MAN2A1: variants seen among roughly 807,000 people sequenced by gnomAD.
MAN2A1 encodes the protein mannosidase alpha class 2A member 1.
Under a neutral mutation model 142.6 loss-of-function variants are expected in MAN2A1, and 76 were observed. That is an observed-to-expected ratio of 0.53 (90% CI 0.44 to 0.65). The LOEUF (loss-of-function observed/expected upper bound fraction) is 0.65, where lower values mean the gene tolerates loss of function less well. Ranked by LOEUF, MAN2A1 falls within the 30% of genes least tolerant of loss-of-function variation. The pLI, the probability that MAN2A1 is intolerant of heterozygous loss-of-function variation, is 0.00. For synonymous variants in MAN2A1, 559 were observed against 473.2 expected (o/e 1.18, Z -2.35); for missense variants, 1,311 against 1,365.1 (o/e 0.96, Z 0.62).
intron 4 of MAN2A1, among the ~76,000 whole-genome samples, chr5:109,751,606 A>C (rs1418293191): frequency 6.6e-6 from 1 of 151,820 alleles, no homozygotes; most frequent in African/African-American, 2.4e-5. Flanking sequence ...TATTTTAATA[A>C]TGTAAATGTT....
intron 4 of MAN2A1, among the ~76,000 whole-genome samples, chr5:109,745,836 C>G (rs1381407988): frequency 6.6e-6 from 1 of 152,162 alleles, no homozygotes; most frequent in African/African-American, 2.4e-5. Context: ...GGCTGGTCCT[C>G]AAACCCCTGG....
rs1341034786 is a variant in MAN2A1 at position 109,867,713 on chromosome 5, A to G, written c.*715A>G. 1 of 152,618 alleles carries G rather than the reference A, an allele frequency of 6.6e-6. No individual in the cohort carries two copies. Among genetic ancestry groups the G allele is most frequent in the African/African-American group, 2.4e-5 (1 of 41,438 alleles). 9.5% of individuals were successfully genotyped at this position (152,618 alleles called of 1,614,324 possible). ...TTCCATCTTCACTAAAATAGAAGCA[A>G]TTCCATAGGTACCATAAACCTATTT... On this transcript the variant is annotated 3_prime_UTR_variant, in exon 22 of 22. Coordinates refer to ENST00000261483, the MANE Select transcript of MAN2A1 (RefSeq NM_002372.4).
intron 4 of MAN2A1, among the ~76,000 whole-genome samples, chr5:109,748,567 G>A (rs1752466079): frequency 6.6e-6 from 1 of 152,170 alleles, no homozygotes; most frequent in Admixed American, 6.5e-5. Flanking sequence ...ATTAAATTTT[G>A]TTGTAAATGT....
At chr5:109,823,894 C>T in intron 16 of MAN2A1, 57 bp downstream of exon 16, 4 of 795,606 alleles carry the variant, frequency 5.0e-6, no homozygotes, top group South Asian at 2.6e-5. Context: ...TGAATTCTTG[C>T]TTTTCTTATG....
At position 109,845,897 on chromosome 5, in the gene MAN2A1, T is replaced by G; in HGVS notation, c.2733T>G (p.Pro911=). The G allele has an allele frequency of 1.2e-6, 2 of 1,613,604 alleles. No individual in the cohort carries two copies. Among genetic ancestry groups the G allele is most frequent in the Non-Finnish European group, 1.7e-6 (2 of 1,179,708 alleles). The change falls in exon 18 of 22, where the codon CCT becomes CCG. Residue 911 remains proline, a synonymous_variant. Coordinates refer to ENST00000261483, the MANE Select transcript of MAN2A1 (RefSeq NM_002372.4). Reference sequence around the variant, plus strand: ...CTAGAATGACACTGAGCAAATTGCCTCTTCAAGCAAATGTCTATCCCATGA... The same window carrying G: ...CTAGAATGACACTGAGCAAATTGCCGCTTCAAGCAAATGTCTATCCCATGA... ...IQPRMTLSKL[P]LQANVYPMTT... is the part of the protein sequence containing the mutation.
chr5:109,733,729 A>C lies in MAN2A1; in HGVS notation c.707+4216A>C, dbSNP rs539877482. On this transcript the variant is annotated intron_variant, in intron 4 of 21. Transcript: ENST00000261483. ...GATGAAGCCCACTTGATCATGGTGG[A>C]TAAGCTTTTTGATGTGCTGCTTGAT... Among the ~76,000 whole-genome samples the C allele has an allele frequency of 2.4e-3, 371 of 152,242 alleles. 1 individual carries two copies. The highest frequency in any genetic ancestry group is 8.6e-3 in the African/African-American group (356 of 41,490).
chr5:109,716,146 T>C lies in MAN2A1; in HGVS notation c.417T>C (p.Ser139=). ...VQMLDVYSLI[S]FDNPDGGVWK... ...TGTTGGATGTTTACAGTCTAATTTC[T>C]TTTGACAATCCAGATGGTGGAGTTT... Residue 139 remains serine (S), a synonymous_variant, in exon 3 of 22, where the codon TCT becomes TCC. Coordinates refer to ENST00000261483, the MANE Select transcript of MAN2A1 (RefSeq NM_002372.4). The C allele has an allele frequency of 6.2e-7, 1 of 1,610,618 alleles. No individual in the cohort carries two copies. Among genetic ancestry groups the C allele is most frequent in the Non-Finnish European group, 8.5e-7 (1 of 1,177,734 alleles).
intron 18 of MAN2A1, among the ~76,000 whole-genome samples, chr5:109,846,220 G>A (rs1755341450): frequency 6.6e-6 from 1 of 152,176 alleles, no homozygotes; most frequent in Non-Finnish European, 1.5e-5. Flanking sequence ...AAGAACAGGA[G>A]ACCTAAAATT....
At chr5:109,834,125 G>A (rs541908315) in intron 16 of MAN2A1, among the ~76,000 whole-genome samples, 1 of 152,250 alleles carries the variant, frequency 6.6e-6, no homozygotes, top group African/African-American at 2.4e-5. Context: ...GCCTTAGAAA[G>A]GAGCATGTTT....
rs114666908 is a variant in MAN2A1, at chr5:109,755,216, G to A, written c.708-113G>A. On this transcript the variant is annotated intron_variant, in intron 4 of 21. Coordinates refer to ENST00000261483, the MANE Select transcript of MAN2A1 (RefSeq NM_002372.4). ...GTTTAAACACATTTTTTGACAACTA[G>A]TATACATACTGGTTATATTTAAAGG... The A allele has an allele frequency of 3.1e-3, 2,428 of 789,312 alleles. 38 individuals carry two copies. In the African/African-American group the frequency reaches 0.037, roughly 12 times the overall value. 48.9% of individuals were successfully genotyped at this position (789,312 alleles called of 1,614,324 possible). A position where few individuals can be genotyped will look rare whatever the true frequency, so the allele number is the denominator to read the frequency against.
chr5:109,764,894 A>T (rs1225693470), intron 5 of MAN2A1, among the ~76,000 whole-genome samples: 1 of 152,164 alleles, frequency 6.6e-6, no homozygotes, highest in Non-Finnish European at 1.5e-5. Flanking sequence ...GTGGCATCAT[A>T]GTACTTGGGA....
chr5:109,777,505 C>T (rs976390755), intron 8 of MAN2A1, among the ~76,000 whole-genome samples: 8 of 152,006 alleles, frequency 5.3e-5, no homozygotes, highest in Non-Finnish European at 1.0e-4. Context: ...TTGTCTCCTA[C>T]TATGTAGCCT....
chr5:109,769,854 G>T (rs1451624374), intron 6 of MAN2A1, among the ~76,000 whole-genome samples: 1 of 152,146 alleles, frequency 6.6e-6, no homozygotes, highest in African/African-American at 2.4e-5. Context: ...TTCTCCAAGA[G>T]TGAATTTCTC....
chr5:109,745,266 G>A (rs1320343231), intron 4 of MAN2A1, among the ~76,000 whole-genome samples: 3 of 151,964 alleles, frequency 2.0e-5, no homozygotes, highest in African/African-American at 7.3e-5. Context: ...TTTAGAAAAT[G>A]TAATACAATA....
intron 4 of MAN2A1, among the ~76,000 whole-genome samples, chr5:109,742,412 CTCTT>C (rs1752294044): frequency 1.3e-5 from 2 of 152,118 alleles, no homozygotes; most frequent in South Asian, 2.1e-4. Flanking sequence ...AGAATGCAAA[CTCTT>C]TATTTATATA....
chr5:109,806,613 TTAA>T (rs962882123), intron 12 of MAN2A1, among the ~76,000 whole-genome samples: 2 of 152,244 alleles, frequency 1.3e-5, no homozygotes, highest in African/African-American at 4.8e-5. Flanking sequence ...GAATATTTAC[TTAA>T]TAATATCATA....
At chr5:109,710,293 A>T (rs1751261394) in intron 1 of MAN2A1, among the ~76,000 whole-genome samples, 1 of 152,148 alleles carries the variant, frequency 6.6e-6, no homozygotes, top group South Asian at 2.1e-4. Context: ...TAATACTCTT[A>T]TCCATGGATT....
intron 16 of MAN2A1, chr5:109,840,425 C>G (rs1561538473): frequency 2.2e-6 from 1 of 444,778 alleles, no homozygotes; most frequent in East Asian, 6.6e-5. Flanking sequence ...TGCATTTCTA[C>G]CAGGTTTCTG....
At chr5:109,754,946 A>G (rs1752648302) in intron 4 of MAN2A1, among the ~76,000 whole-genome samples, 1 of 152,240 alleles carries the variant, frequency 6.6e-6, no homozygotes, top group African/African-American at 2.4e-5. Flanking sequence ...GGTTGCAGTG[A>G]GCCGAGATTG....
Sources: gnomAD v4.1 joint callset for allele counts (sites outside exome capture counted in the v4.1 genomes callset) on GRCh38, gnomAD v4.1.1 for gene constraint, MANE v1.5 for transcripts, NCBI Gene and HGNC (gene_info 2026-07-23, HGNC 2026-07-21) for gene names.